Variants in KIF21B observed in about 807,000 individuals in gnomAD.
KIF21B encodes the protein kinesin-like protein KIF21B.
KIF21B carries 85 observed loss-of-function variants against 192.9 expected under a neutral mutation model. The observed-to-expected ratio is 0.44, with a 90% CI of 0.37 to 0.53. The LOEUF (loss-of-function observed/expected upper bound fraction) is 0.53, where lower values mean the gene tolerates loss of function less well. Among genes scored for constraint, KIF21B ranks in the 20% least tolerant of loss-of-function variants. The pLI, the probability that KIF21B is intolerant of heterozygous loss-of-function variation, is 0.00. For synonymous variants in KIF21B, 832 were observed against 884.6 expected, an observed-to-expected ratio of 0.94 and a Z score of 1.05; for missense variants, 1,716 against 2,194.8, an observed-to-expected ratio of 0.78 and a Z score of 4.36.
At chr1:201,016,265 G>A (rs1256422980) in intron 1 of KIF21B, among the ~76,000 whole-genome samples, 2 of 152,188 alleles carry the variant, frequency 1.3e-5, no homozygotes, top group African/African-American at 4.8e-5. Flanking sequence ...AGAATCTCCC[G>A]GACTGATCCT....
chr1:201,004,728 G>A (rs773317169), intron 6 of KIF21B, 38 bp downstream of exon 6: 6 of 1,613,034 alleles, frequency 3.7e-6, no homozygotes, highest in South Asian at 1.1e-5. Flanking sequence ...AGACTGAGCT[G>A]TGTGGGTGCT....
chr1:201,005,467 G>GCTTGGGA, intron 4 of KIF21B, 25 bp from the exon 5 acceptor site: 1 of 1,598,572 alleles, frequency 6.3e-7, no homozygotes, highest in Non-Finnish European at 8.5e-7. Flanking sequence ...AGAAGTGAGG[G>GCTTGGGA]CTTGGGACTA....
At chr1:201,003,470 G>A (rs531105814) in intron 8 of KIF21B, 116 bp downstream of exon 8, 5 of 998,956 alleles carry the variant, frequency 5.0e-6, no homozygotes, top group East Asian at 5.0e-5. Flanking sequence ...GTGGATGATG[G>A]TAATAGGGAG....
intron 7 of KIF21B, 94 bp downstream of exon 7, chr1:201,004,246 C>T (rs554693537): frequency 5.5e-5 from 59 of 1,065,356 alleles, no homozygotes; most frequent in Non-Finnish European, 7.0e-5. Context: ...GCCTCCTCCT[C>T]CTGGGGCAGG....
In KIF21B at chr1:201,002,161, C is replaced by T. The variant is rs756451256; in HGVS notation, c.1402G>A (p.Gly468Ser). The T allele has an allele frequency of 1.5e-5, 25 of 1,613,432 alleles. No individual in the cohort carries two copies. The highest frequency in any genetic ancestry group is 2.2e-5 in the East Asian group (1 of 44,894). ...QEANLLLAKA[G>S]DGNEAIGALI... ...CCTGGCCTGGCACAGCCCAACTCACCGGCCTTGGCTAGCAGCAGGTTGGCC... is the reference window on the plus strand; with the variant it reads ...CCTGGCCTGGCACAGCCCAACTCACTGGCCTTGGCTAGCAGCAGGTTGGCC... The change falls in exon 9 of 35, where the codon GGC becomes AGC. Residue 468 changes from glycine (G) to serine (S), a missense_variant and splice_region_variant. Transcript: ENST00000461742.
At position 200,999,561 on chromosome 1, in the gene KIF21B, A is replaced by G; in HGVS notation, c.1768-95T>C. On this transcript the variant is annotated intron_variant, in intron 12 of 34. Coordinates refer to ENST00000461742, the MANE Select transcript of KIF21B (RefSeq NM_001252102.2). This position sits in a 1 kb window ranked among gnomAD's most constrained non-coding sequence, Gnocchi z 4.7. ...GACACAATGCCTCAGGTGTGTCAGG[A>G]GGGTGGGGATTGGGGCAGGCCACAG... 1 of 1,554,752 alleles carries G rather than the reference A, an allele frequency of 6.4e-7. No individual in the cohort carries two copies. Among genetic ancestry groups the G allele is most frequent in the Non-Finnish European group, 8.7e-7 (1 of 1,152,238 alleles).
chr1:200,999,744 T>C lies in KIF21B; in HGVS notation c.1767+139A>G. 1 of 927,808 alleles carries C rather than the reference T, an allele frequency of 1.1e-6. No homozygotes were observed. 57.5% of individuals were successfully genotyped at this position (927,808 alleles called of 1,614,324 possible). The stretch of plus-strand genomic sequence containing the variant: ...TCACCATGGTAACCAGTCAGAGATA[T>C]AAGGAAGTACAAGGATCAACTGGAT... On this transcript the variant is annotated intron_variant, in intron 12 of 34. Coordinates refer to ENST00000461742, the MANE Select transcript of KIF21B (RefSeq NM_001252102.2). This position sits in a 1 kb window ranked among gnomAD's most constrained non-coding sequence, Gnocchi z 4.7.
At chr1:200,995,694 G>T (rs960525754) in intron 15 of KIF21B, among the ~76,000 whole-genome samples, 2 of 152,204 alleles carry the variant, frequency 1.3e-5, no homozygotes, top group Non-Finnish European at 2.9e-5. Context: ...ATACATAAAA[G>T]AATAATAATA....
Position 200,974,057 on chromosome 1 carries a change from G to A in KIF21B, c.4815-479C>T, listed in dbSNP as rs576872908. ...GGAAAGAGAGGGAAAAGGAAAGAGG[G>A]GAAGAATGAAAGAGGAGACAGGGAG... On this transcript the variant is annotated intron_variant, in intron 34 of 34. Transcript: ENST00000461742. 5 of 1,605,008 alleles carry A rather than the reference G, an allele frequency of 3.1e-6. No individual in the cohort carries two copies. The Admixed American group carries it at 8.6e-5, about 28-fold the overall frequency.
In KIF21B at chr1:200,973,081, C is replaced by T. The variant is rs1162768223; in HGVS notation, c.*440G>A. ...GGACTTATCTTTTTGGGCTCAGAGG[C>T]AGGTGCAGTGGCTCTAGAGGCTGGG... On this transcript the variant is annotated 3_prime_UTR_variant, in exon 35 of 35. Transcript: ENST00000461742. 1.2e-5 allele frequency: 2 copies of T among 161,486 alleles called. No homozygotes were observed. The highest frequency in any genetic ancestry group is 2.7e-5 in the Non-Finnish European group (2 of 74,288). 10.0% of individuals were successfully genotyped at this position (161,486 alleles called of 1,614,324 possible). A position where few individuals can be genotyped will look rare whatever the true frequency, so the allele number is the denominator to read the frequency against.
At chr1:201,021,232 GCT>G (rs1558033254) in intron 1 of KIF21B, among the ~76,000 whole-genome samples, 1 of 152,198 alleles carries the variant, frequency 6.6e-6, no homozygotes, top group African/African-American at 2.4e-5. Flanking sequence ...TCAGTCCTAA[GCT>G]CTCTGATTAG....
At chr1:201,018,659 C>T (rs1408720535) in intron 1 of KIF21B, among the ~76,000 whole-genome samples, 1 of 152,194 alleles carries the variant, frequency 6.6e-6, no homozygotes, top group African/African-American at 2.4e-5. Flanking sequence ...CAAATCCAGC[C>T]TCCTCCATTT....
At position 200,990,489 on chromosome 1, in the gene KIF21B, G is replaced by A. The variant is rs1656612941; in HGVS notation, c.2835+87C>T. 5 of 1,532,194 alleles carry A rather than the reference G, an allele frequency of 3.3e-6. No individual in the cohort carries two copies. The highest frequency in any genetic ancestry group is 4.4e-6 in the Non-Finnish European group (5 of 1,123,794). 94.9% of individuals were successfully genotyped at this position (1,532,194 alleles called of 1,614,324 possible). On this transcript the variant is annotated intron_variant, in intron 19 of 34. Coordinates refer to ENST00000461742, the MANE Select transcript of KIF21B (RefSeq NM_001252102.2). This position sits in a 1 kb window ranked among gnomAD's most constrained non-coding sequence, Gnocchi z 5.4. The stretch of plus-strand genomic sequence containing the variant: ...AAAGGAGCAGAGGGAAGTGGGGCAG[G>A]GAAAGGTCTGAAGAGCCAGAGAAGT...
At chr1:200,997,832 C>T (rs1040477677) in intron 14 of KIF21B, among the ~76,000 whole-genome samples, 2 of 152,200 alleles carry the variant, frequency 1.3e-5, no homozygotes, top group South Asian at 2.1e-4. Flanking sequence ...CACCATTTGA[C>T]ACACTATAGT....
At position 200,977,379 on chromosome 1, in the gene KIF21B, G is replaced by T. The variant is rs1655629282; in HGVS notation, c.4161-3C>A. On this transcript the variant is annotated splice_polypyrimidine_tract_variant and splice_region_variant and intron_variant, in intron 30 of 34. Transcript: ENST00000461742. Reference sequence around the variant, plus strand: ...CTGAGATCACCTGGCCCGAGGACCTGCCCATCGGAGAAAGGCAAGGCCAGA... The same window carrying T: ...CTGAGATCACCTGGCCCGAGGACCTTCCCATCGGAGAAAGGCAAGGCCAGA... The T allele has an allele frequency of 6.2e-7, 1 of 1,613,218 alleles. No individual in the cohort carries two copies.
intron 3 of KIF21B, 112 bp from the exon 4 acceptor site, chr1:201,005,806 G>A: frequency 8.5e-7 from 1 of 1,181,676 alleles, no homozygotes; most frequent in Non-Finnish European, 1.2e-6. Context: ...GAGGCTGTGG[G>A]TCCCCTCTGG....
Position 200,990,221 on chromosome 1 carries a change from C to T in KIF21B, c.2947G>A (p.Glu983Lys). ...TAGTCAATGTTGGCTGCCAGCACCT[C>T]GATCTCCTCAGCCAGCTCCTGCAGC... ...KGLQELAEEIEVLAANIDYIN... is the reference protein window; with the variant it reads ...KGLQELAEEIKVLAANIDYIN... The change falls in exon 20 of 35, where the codon GAG becomes AAG. Residue 983 changes from glutamate to lysine, a missense_variant. By Grantham distance (56) the Glu-to-Lys change is moderately conservative (BLOSUM62 1). Transcript: ENST00000461742. The surrounding 1 kb of genome is among the most constrained non-coding windows in gnomAD (Gnocchi z 5.4). 6.2e-7 allele frequency: 1 copy of T among 1,614,138 alleles called. No homozygotes were observed. Among genetic ancestry groups the T allele is most frequent in the Non-Finnish European group, 8.5e-7 (1 of 1,180,018 alleles).
At chr1:201,019,270 T>C (rs1658684515) in intron 1 of KIF21B, among the ~76,000 whole-genome samples, 1 of 152,170 alleles carries the variant, frequency 6.6e-6, no homozygotes, top group African/African-American at 2.4e-5. Context: ...TTTATTTATA[T>C]TCAATTCCTC....
intron 32 of KIF21B, among the ~76,000 whole-genome samples, chr1:200,976,240 G>A (rs1007365157): frequency 2.0e-5 from 3 of 152,044 alleles, no homozygotes; most frequent in Non-Finnish European, 2.9e-5. Context: ...ACAGGCGCCC[G>A]ACACCATGCC....
Sources: gnomAD v4.1 joint callset for allele counts (sites outside exome capture counted in the v4.1 genomes callset) on GRCh38, gnomAD v4.1.1 for gene constraint, Gnocchi (gnomAD v3.1) non-coding constraint, MANE v1.5 for transcripts, NCBI Gene and HGNC (gene_info 2026-07-23, HGNC 2026-07-21) for gene names.